Variants in DBX2 observed in about 807,000 individuals in gnomAD.
The protein encoded by DBX2 is homeobox protein DBX2.
DBX2 carries 16 observed loss-of-function variants against 17.7 expected under a neutral mutation model. The ratio of observed to expected loss-of-function variants is 0.90; its 90% confidence interval spans 0.61 to 1.37. The LOEUF is 1.37. Among genes scored for constraint, DBX2 ranks in the 40% most tolerant of loss-of-function variants. The pLI, the probability that DBX2 is intolerant of heterozygous loss-of-function variation, is 0.00. For missense variants in DBX2, 538 were observed against 433.8 expected (o/e 1.24, Z -2.13); for synonymous variants, 255 against 183.8 (o/e 1.39, Z -3.13).
chr12:45,023,431 T>C (rs1946363860), intron 3 of DBX2, among the ~76,000 whole-genome samples: 1 of 152,184 alleles, frequency 6.6e-6, no homozygotes, highest in African/African-American at 2.4e-5. Context: ...AGTACTAGAA[T>C]GGCAAAAACC....
chr12:45,044,982 A>T lies in DBX2; in HGVS notation c.403+5543T>A, dbSNP rs1946492088. ...AGTAAAATAAAACATTTTGGAATAA[A>T]ATATACAAGGGCCTGGTAAGTATGT... is the stretch of plus-strand genomic sequence containing the variant. On this transcript the variant is annotated intron_variant, in intron 1 of 3. Transcript: ENST00000332700. 3.9e-5 allele frequency among the ~76,000 whole-genome samples: 6 copies of T among 152,186 alleles called. No individual in the cohort carries two copies. In the South Asian group the frequency reaches 1.0e-3, roughly 26 times the overall value.
In DBX2 at chr12:45,050,636, G is replaced by A. The variant is rs200605636; in HGVS notation, c.292C>T (p.Pro98Ser). The A allele has an allele frequency of 2.9e-4, 451 of 1,550,076 alleles. No homozygotes were observed. In the African/African-American group the frequency reaches 5.6e-3, roughly 19 times the overall value. The change falls in exon 1 of 4, where the codon CCC becomes TCC. Residue 98 changes from proline to serine, a missense_variant. Physicochemically the swap from Pro to Ser is moderately conservative, Grantham distance 74. Transcript: ENST00000332700. Reference protein sequence around the residue: ...AAEQVSPAGAPYGTRWAFQVL... With the variant: ...AAEQVSPAGASYGTRWAFQVL... ...TGAAAAGCCCACCGCGTTCCGTAGG[G>A]CGCCCCGGCGGGGCTAACTTGTTCG...
intron 1 of DBX2, 28 bp from the exon 2 acceptor site, chr12:45,036,142 T>C (rs1946439906): frequency 1.3e-6 from 2 of 1,568,254 alleles, no homozygotes; most frequent in African/African-American, 2.7e-5. Flanking sequence ...ATCTCATTGA[T>C]TAGCCATTTC....
At chr12:45,037,677 G>A (rs1043991866) in intron 1 of DBX2, among the ~76,000 whole-genome samples, 1 of 151,828 alleles carries the variant, frequency 6.6e-6, no homozygotes, top group Non-Finnish European at 1.5e-5. Context: ...GTATTTTAAC[G>A]AACTGATGAG....
chr12:45,022,537 C>T (rs1946358993), intron 3 of DBX2, among the ~76,000 whole-genome samples: 1 of 151,998 alleles, frequency 6.6e-6, no homozygotes, highest in Non-Finnish European at 1.5e-5. Context: ...ATCTCCTGAC[C>T]TCATGATCCG....
At chr12:45,032,382 G>A (rs1479624971) in intron 2 of DBX2, among the ~76,000 whole-genome samples, 2 of 152,106 alleles carry the variant, frequency 1.3e-5, no homozygotes, top group African/African-American at 2.4e-5. Context: ...GCAGCATTTT[G>A]TAGATTTCCA....
At position 45,031,225 on chromosome 12, in the gene DBX2, T is replaced by TGTGTGAGAGAGAGA. The variant is rs1377897653; in HGVS notation, c.499+4793_499+4794insTCTCTCTCTCACAC. On this transcript the variant is annotated intron_variant, in intron 2 of 3. Transcript: ENST00000332700. ...GTGTGTGTGTGTGTGTGTGTGTGTG[T>TGTGTGAGAGAGAGA]GAGAGAGAGAGAGAGAGAGAGAGAG... Among the ~76,000 whole-genome samples the TGTGTGAGAGAGAGA allele has an allele frequency of 8.2e-5, 7 of 85,656 alleles. No individual in the cohort carries two copies. The East Asian group carries it at 1.6e-3, about 19-fold the overall frequency. The allele number at this position is 85,656 out of a possible 152,430, so 56.2% of individuals were successfully genotyped here.
At chr12:45,036,410 AC>A (rs1373518335) in intron 1 of DBX2, among the ~76,000 whole-genome samples, 1 of 152,128 alleles carries the variant, frequency 6.6e-6, no homozygotes, top group Non-Finnish European at 1.5e-5. Flanking sequence ...TATTTAAAAT[AC>A]CCTAGAACAA....
At chr12:45,018,624 A>G (rs888641680) in intron 3 of DBX2, among the ~76,000 whole-genome samples, 1 of 152,082 alleles carries the variant, frequency 6.6e-6, no homozygotes, top group African/African-American at 2.4e-5. Context: ...TTTCTGTACA[A>G]ACATATGAAA....
chr12:45,031,338 CCTT>C (rs1037030264), intron 2 of DBX2, among the ~76,000 whole-genome samples: 1 of 151,796 alleles, frequency 6.6e-6, no homozygotes, highest in African/African-American at 2.4e-5. Flanking sequence ...AAAAGTCTAT[CCTT>C]CTGTTTCTAT....
chr12:45,044,815 G>GA (rs752020686), intron 1 of DBX2, among the ~76,000 whole-genome samples: 1 of 152,048 alleles, frequency 6.6e-6, no homozygotes. Flanking sequence ...TTGACAAAAT[G>GA]AATAATCCTA....
chr12:45,034,152 ATGTC>A (rs1338512538), intron 2 of DBX2, among the ~76,000 whole-genome samples: 1 of 151,924 alleles, frequency 6.6e-6, no homozygotes, highest in Non-Finnish European at 1.5e-5. Flanking sequence ...ACGCACATGA[ATGTC>A]TGTCCACCTA....
intron 2 of DBX2, among the ~76,000 whole-genome samples, chr12:45,031,225 T>TGTGTGTGTGTGTGA (rs1377897653): frequency 1.2e-3 from 107 of 85,650 alleles, no homozygotes; most frequent in East Asian, 5.1e-3. Context: ...TGTGTGTGTG[T>TGTGTGTGTGTGTGA]GAGAGAGAGA....
At chr12:45,047,699 G>T (rs1455801218) in intron 1 of DBX2, among the ~76,000 whole-genome samples, 1 of 152,040 alleles carries the variant, frequency 6.6e-6, no homozygotes, top group Admixed American at 6.6e-5. Context: ...TTATTATTGT[G>T]ATACTATGTA....
chr12:45,047,065 ATTTGTTCCACTTAT>A (rs1946504355), intron 1 of DBX2, among the ~76,000 whole-genome samples: 1 of 152,196 alleles, frequency 6.6e-6, no homozygotes, highest in African/African-American at 2.4e-5. Context: ...AAACATGACT[ATTTGTTCCACTTAT>A]TTTGAAGAGA....
chr12:45,038,500 A>G (rs1946452331), intron 1 of DBX2, among the ~76,000 whole-genome samples: 1 of 151,470 alleles, frequency 6.6e-6, no homozygotes, highest in South Asian at 2.1e-4. Flanking sequence ...ATATGTATGC[A>G]ATATGTGTGT....
intron 1 of DBX2, among the ~76,000 whole-genome samples, chr12:45,049,993 A>ACTTTGCGCAACTCTCCTTCCAAAGAT (rs1401979806): frequency 3.8e-4 from 58 of 152,240 alleles, no homozygotes; most frequent in Non-Finnish European, 8.8e-5. Context: ...GAAAGCCAGA[A>ACTTTGCGCAACTCTCCTTCCAAAGAT]CTTTGCGCAA....
At chr12:45,023,634 C>T (rs1946364891) in intron 3 of DBX2, 73 bp downstream of exon 3, 3 of 1,584,056 alleles carry the variant, frequency 1.9e-6, no homozygotes, top group Non-Finnish European at 2.6e-6. Context: ...CGGCCCACCA[C>T]CCTGAACACA....
chr12:45,020,036 G>C (rs972161355), intron 3 of DBX2, among the ~76,000 whole-genome samples: 2 of 152,024 alleles, frequency 1.3e-5, no homozygotes, highest in African/African-American at 4.8e-5. Flanking sequence ...TTTGTTAATA[G>C]CTTTATTGAG....
Sources: allele counts gnomAD v4.1 joint callset (sites outside exome capture counted in the v4.1 genomes callset), GRCh38; gene constraint gnomAD v4.1.1; transcripts MANE v1.5; gene names NCBI Gene and HGNC (gene_info 2026-07-23, HGNC 2026-07-21).